The following SIRT7 variants were observed in gnomAD, a reference collection of about 807,000 sequenced individuals.
The protein encoded by SIRT7 is sirtuin 7.
Under a neutral mutation model 42.8 loss-of-function variants are expected in SIRT7, and 32 were observed. That is an observed-to-expected ratio of 0.75 (90% CI 0.56 to 1.00). SIRT7 has a LOEUF of 1.00. Ranked by LOEUF, SIRT7 falls within the 50% of genes least tolerant of loss-of-function variation. The pLI is 0.00. For synonymous variants in SIRT7, 297 were observed against 245.2 expected, an observed-to-expected ratio of 1.21 and a Z score of -1.97; for missense variants, 553 against 572.2, an observed-to-expected ratio of 0.97 and a Z score of 0.34.
At chr17:81,915,049 A>G in intron 5 of SIRT7, 1 of 483,980 alleles carries the variant, frequency 2.1e-6, no homozygotes, top group East Asian at 3.9e-5. Context: ...ATGACATTTC[A>G]GGTCCCTGGG....
At position 81,914,091 on chromosome 17, in the gene SIRT7, A is replaced by C. The variant is rs1189743570; in HGVS notation, c.893T>G (p.Leu298Arg). ...GGCTCTCAGCACCCGAGTTACCTGC[A>C]GGTTCACGATGTAAAGCTTCGGCCG... is the stretch of plus-strand genomic sequence containing the variant. Reference protein sequence around the residue: ...SRRPKLYIVNLQWTPKDDWAA... With the variant: ...SRRPKLYIVNRQWTPKDDWAA... Residue 298 changes from leucine to arginine, a missense_variant, in exon 8 of 10, where the codon CTG becomes CGG. Leu to Arg is a moderately radical substitution (Grantham distance 102). Transcript: ENST00000328666. 2 of 1,613,482 alleles carry C rather than the reference A, an allele frequency of 1.2e-6. No homozygotes were observed. The highest frequency in any genetic ancestry group is 1.7e-6 in the Non-Finnish European group (2 of 1,180,008).
chr17:81,913,741 C>G lies in SIRT7; in HGVS notation c.1004+33G>C. ...AGACAAGGCCCAGCACACAGAGGTG[C>G]GGGGAAGCAGGCTGCTGCAGCGGCT... On this transcript the variant is annotated intron_variant, in intron 9 of 9. Transcript: ENST00000328666. This position sits in a 1 kb window ranked among gnomAD's most constrained non-coding sequence, Gnocchi z 5.0. 2 of 1,514,300 alleles carry G rather than the reference C, an allele frequency of 1.3e-6. No individual in the cohort carries two copies. Among genetic ancestry groups the G allele is most frequent in the South Asian group, 2.4e-5 (2 of 83,232 alleles). 93.8% of individuals were successfully genotyped at this position (1,514,300 alleles called of 1,614,324 possible). A position where few individuals can be genotyped will look rare whatever the true frequency, so the allele number is the denominator to read the frequency against.
chr17:81,915,733 C>A (rs1474776394), intron 3 of SIRT7, 52 bp from the exon 4 acceptor site: 9 of 1,589,392 alleles, frequency 5.7e-6, no homozygotes. Flanking sequence ...ACTGTAGGTA[C>A]TGGCAGAATT....
rs749451856 is a variant in SIRT7, at chr17:81,914,342, C to T, written c.768G>A (p.Glu256=). ...GGATGGTGTCTGCTCTGCTGGCAGC[C>T]TCGGTCGCCGCTTCCCAGTTCAAAG... ...GQPLNWEAAT[E]AASRADTILC... Residue 256 remains glutamate, a synonymous_variant, in exon 7 of 10, where the codon GAG becomes GAA. Coordinates refer to ENST00000328666, the MANE Select transcript of SIRT7 (RefSeq NM_016538.3). The T allele has an allele frequency of 3.1e-6, 5 of 1,612,868 alleles. No homozygotes were observed. Among genetic ancestry groups the T allele is most frequent in the East Asian group, 2.2e-5 (1 of 44,882 alleles).
chr17:81,914,259 G>A, intron 7 of SIRT7, 35 bp downstream of exon 7: 1 of 1,611,758 alleles, frequency 6.2e-7, no homozygotes, highest in Non-Finnish European at 8.5e-7. Flanking sequence ...GGGCGGGCAG[G>A]GGCTCGGTTC....
chr17:81,916,549 C>T (rs1302792748), intron 3 of SIRT7: 1 of 151,256 alleles, frequency 6.6e-6, no homozygotes, highest in Non-Finnish European at 1.5e-5. Context: ...TCACTGCAAC[C>T]TCCGCCTTCC....
At position 81,918,152 on chromosome 17, in the gene SIRT7, C is replaced by G. The variant is rs767951759; in HGVS notation, c.-21G>C. ...GCCATCGCTCCCCTGGAGACCTGCTCTTCCGCTTCCGCCTCACACGGCAGG... is the reference window on the plus strand; with the variant it reads ...GCCATCGCTCCCCTGGAGACCTGCTGTTCCGCTTCCGCCTCACACGGCAGG... On this transcript the variant is annotated 5_prime_UTR_variant, in exon 1 of 10. Transcript: ENST00000328666. The G allele has an allele frequency of 6.5e-7, 1 of 1,538,344 alleles. No individual in the cohort carries two copies. Among genetic ancestry groups the G allele is most frequent in the Non-Finnish European group, 8.7e-7 (1 of 1,153,238 alleles).
rs577145383 is a variant in SIRT7, at chr17:81,913,148, T to TA, written c.1005-535dup. ...ATAAGGAAAATGAGCTAAGTTAATGTAAAAAAAAAATACAGTACACGATAG... is the reference window on the plus strand; with the variant it reads ...ATAAGGAAAATGAGCTAAGTTAATGTAAAAAAAAAAATACAGTACACGATAG... On this transcript the variant is annotated intron_variant, in intron 9 of 9. Transcript: ENST00000328666. The surrounding 1 kb of genome is among the most constrained non-coding windows in gnomAD (Gnocchi z 5.0). 3.8e-3 allele frequency: 1,277 copies of TA among 336,384 alleles called. 2 individuals are homozygous for TA. The highest frequency in any genetic ancestry group is 0.013 in the South Asian group (577 of 43,008). 20.8% of individuals were successfully genotyped at this position (336,384 alleles called of 1,614,324 possible).
At position 81,917,955 on chromosome 17, in the gene SIRT7, G is replaced by A. The variant is rs986814468; in HGVS notation, c.106C>T (p.Leu36=). ...CTGCGCTCCGCCGCCGCCTTCCTCA[G>A]GATGCGCGACACCTGCGGGCAGGCG... is the stretch of plus-strand genomic sequence containing the variant. ...RERLRQVSRI[L]RKAAAERSAE... Residue 36 remains leucine (L), a synonymous_variant, in exon 2 of 10, where the codon CTG becomes TTG. Transcript: ENST00000328666. The A allele has an allele frequency of 2.3e-5, 32 of 1,367,952 alleles. No individual in the cohort carries two copies. The highest frequency in any genetic ancestry group is 3.0e-5 in the Non-Finnish European group (32 of 1,065,148). 84.7% of individuals were successfully genotyped at this position (1,367,952 alleles called of 1,614,324 possible). A position where few individuals can be genotyped will look rare whatever the true frequency, so the allele number is the denominator to read the frequency against.
intron 3 of SIRT7, 125 bp downstream of exon 3, chr17:81,917,490 T>G: frequency 1.3e-6 from 1 of 799,844 alleles, no homozygotes; most frequent in South Asian, 2.8e-5. Context: ...GCGTTTACCT[T>G]AGGTAAGTTT....
rs374654323 is a variant in SIRT7 at position 81,917,599 on chromosome 17, C to T, written c.336+16G>A. On this transcript the variant is annotated intron_variant, in intron 3 of 9. Transcript: ENST00000328666. Reference sequence around the variant, plus strand: ...TCATACTCCGTCCTGGGGTACGCCTCCGCCTCCCTCCCTACCGTGCTGATT... The same window carrying T: ...TCATACTCCGTCCTGGGGTACGCCTTCGCCTCCCTCCCTACCGTGCTGATT... 5.2e-5 allele frequency: 82 copies of T among 1,584,494 alleles called. No individual in the cohort carries two copies. The African/African-American group carries it at 9.3e-4, about 18-fold the overall frequency.
At position 81,913,075 on chromosome 17, in the gene SIRT7, C is replaced by T. The variant is rs767414609; in HGVS notation, c.1005-461G>A. 6 of 352,408 alleles carry T rather than the reference C, an allele frequency of 1.7e-5. No individual in the cohort carries two copies. The highest frequency in any genetic ancestry group is 8.0e-5 in the East Asian group (1 of 12,462). The allele number at this position is 352,408 out of a possible 1,614,324, so 21.8% of individuals were successfully genotyped here. A position where few individuals can be genotyped will look rare whatever the true frequency, so the allele number is the denominator to read the frequency against. The stretch of plus-strand genomic sequence containing the variant: ...CCCCGTGAAGAAAGCATGTGTCTGA[C>T]GGAGATGCAGAACCACAGATCATAA... On this transcript the variant is annotated intron_variant, in intron 9 of 9. Transcript: ENST00000328666. The surrounding 1 kb of genome is among the most constrained non-coding windows in gnomAD (Gnocchi z 5.0).
chr17:81,914,383 C>T lies in SIRT7; in HGVS notation c.727G>A (p.Gly243Arg), dbSNP rs1032139906. 44 of 1,613,006 alleles carry T rather than the reference C, an allele frequency of 2.7e-5. 1 individual carries two copies. Among genetic ancestry groups the T allele is most frequent in the Non-Finnish European group, 3.6e-5 (42 of 1,180,010 alleles). The stretch of plus-strand genomic sequence containing the variant: ...CAGTTCAAAGGCTGCCCCAACGTCC[C>T]CCTCTCCCCAAAGTGCACAATGGTG... ...RDTIVHFGER[G>R]TLGQPLNWEA... is the part of the protein sequence containing the mutation. The change falls in exon 7 of 10, where the codon GGG becomes AGG. Residue 243 changes from glycine (G) to arginine (R), a missense_variant. Transcript: ENST00000328666.
rs951230940 is a variant in SIRT7, at chr17:81,912,861, C to G, written c.1005-247G>C. The stretch of plus-strand genomic sequence containing the variant: ...CACTAGCTCGGTCTCCTCAAAACTC[C>G]GTGTCCTTGTCCACCACTGAGCGGC... On this transcript the variant is annotated intron_variant, in intron 9 of 9. Coordinates refer to ENST00000328666, the MANE Select transcript of SIRT7 (RefSeq NM_016538.3). The G allele has an allele frequency of 1.9e-5, 11 of 574,030 alleles. No individual in the cohort carries two copies. In the East Asian group the frequency reaches 3.0e-4, roughly 16 times the overall value. 35.6% of individuals were successfully genotyped at this position (574,030 alleles called of 1,614,324 possible).
chr17:81,912,356 A>G lies in SIRT7; in HGVS notation c.*60T>C. The G allele has an allele frequency of 2.5e-6, 4 of 1,602,026 alleles. No individual in the cohort carries two copies. The highest frequency in any genetic ancestry group is 3.4e-6 in the Non-Finnish European group (4 of 1,169,464). ...CTCCCTAGACCCGTGGGGGCAACCC[A>G]GCCTTCACCGTGACACTGGCCATCT... On this transcript the variant is annotated 3_prime_UTR_variant, in exon 10 of 10. Transcript: ENST00000328666.
In SIRT7 at chr17:81,913,547, C is replaced by T. The variant is rs1345172522; in HGVS notation, c.1004+227G>A. On this transcript the variant is annotated intron_variant, in intron 9 of 9. Coordinates refer to ENST00000328666, the MANE Select transcript of SIRT7 (RefSeq NM_016538.3). The surrounding 1 kb of genome is among the most constrained non-coding windows in gnomAD (Gnocchi z 5.0). ...AGGAGCACGCGGGCAGAATCCCTCTCCCCGCGGGGATTGTGTGTGCCACAT... is the reference window on the plus strand; with the variant it reads ...AGGAGCACGCGGGCAGAATCCCTCTTCCCGCGGGGATTGTGTGTGCCACAT... 7 of 539,204 alleles carry T rather than the reference C, an allele frequency of 1.3e-5. No homozygotes were observed. Among genetic ancestry groups the T allele is most frequent in the Non-Finnish European group, 2.0e-5 (6 of 297,906 alleles). 33.4% of individuals were successfully genotyped at this position (539,204 alleles called of 1,614,324 possible).
intron 3 of SIRT7, chr17:81,916,417 T>G (rs1290083609): frequency 6.6e-6 from 1 of 151,848 alleles, no homozygotes; most frequent in Non-Finnish European, 1.5e-5. Context: ...CATTGGAAGT[T>G]CCATAACAGG....
In SIRT7 at chr17:81,912,441, C is replaced by A. The variant is rs145465834; in HGVS notation, c.1178G>T (p.Arg393Leu). The A allele has an allele frequency of 1.2e-6, 2 of 1,614,038 alleles. No individual in the cohort carries two copies. Among genetic ancestry groups the A allele is most frequent in the African/African-American group, 2.7e-5 (2 of 75,054 alleles). The change falls in exon 10 of 10, where the codon CGC becomes CTC. Residue 393 changes from arginine (R) to leucine (L), a missense_variant. Physicochemically the swap from Arg to Leu is moderately radical, Grantham distance 102 (BLOSUM62 -2). Transcript: ENST00000328666. ...GGWFGRGCTK[R>L]TKRKKVT is the part of the protein sequence containing the mutation. ...TTACGTCACTTTCTTCCTTTTTGTG[C>A]GTTTTGTGCAGCCCCTGCCAAACCA...
At chr17:81,916,659 G>T (rs1465484619) in intron 3 of SIRT7, 1 of 152,038 alleles carries the variant, frequency 6.6e-6, no homozygotes, top group Non-Finnish European at 1.5e-5. Flanking sequence ...TAGAGACAGG[G>T]TTTCACCGTG....
Sources: gnomAD v4.1 joint callset for allele counts on GRCh38, gnomAD v4.1.1 for gene constraint, Gnocchi (gnomAD v3.1) non-coding constraint, MANE v1.5 for transcripts, NCBI Gene and HGNC (gene_info 2026-07-23, HGNC 2026-07-21) for gene names.